FBN2: variants seen among roughly 807,000 people sequenced by gnomAD.
FBN2 encodes the protein fibrillin-2.
Under a neutral mutation model 355.6 loss-of-function variants are expected in FBN2, and 105 were observed. The ratio of observed to expected loss-of-function variants is 0.30; its 90% CI spans 0.25 to 0.35. The LOEUF (loss-of-function observed/expected upper bound fraction) is 0.35. FBN2 is among the 10% of genes least tolerant of loss of function. The probability of loss-of-function intolerance (pLI) is 1.00; values close to 1 mark genes in which losing one functional copy is unlikely to be tolerated. For synonymous variants in FBN2, 1,350 were observed against 1,301.2 expected (o/e 1.04, Z -0.81); for missense variants, 3,280 against 3,758.7 (o/e 0.87, Z 3.33).
chr5:128,336,819 T>C (rs139527993), intron 27 of FBN2, among the ~76,000 whole-genome samples: 75 of 152,336 alleles, frequency 4.9e-4, no homozygotes, highest in East Asian at 3.1e-3. Flanking sequence ...GGTGATACAC[T>C]TCCTTATGTA....
intron 29 of FBN2, 38 bp from the exon 30 acceptor site, chr5:128,335,333 T>C (rs1561776475): frequency 6.2e-7 from 1 of 1,613,916 alleles, no homozygotes; most frequent in Admixed American, 1.7e-5. Context: ...AAAATAAAAA[T>C]GTCGTTCATC....
At chr5:128,394,771 A>C (rs1752602712) in intron 9 of FBN2, among the ~76,000 whole-genome samples, 1 of 152,140 alleles carries the variant, frequency 6.6e-6, no homozygotes, top group Non-Finnish European at 1.5e-5. Context: ...ACTTGACTTC[A>C]AGGACAGGAG....
At chr5:128,418,522 C>A (rs1753263702) in intron 7 of FBN2, among the ~76,000 whole-genome samples, 1 of 152,078 alleles carries the variant, frequency 6.6e-6, no homozygotes, top group Admixed American at 6.6e-5. Flanking sequence ...TGTTGTATAA[C>A]ATAGGTTTTG....
Position 128,464,787 on chromosome 5 carries a change from G to A in FBN2, c.763C>T (p.Pro255Ser), listed in dbSNP as rs375752760. Residue 255 changes from proline (P) to serine (S), a missense_variant, in exon 6 of 65, where the codon CCA (proline) becomes TCA (serine). By Grantham distance (74) the Pro-to-Ser change is moderately conservative. Coordinates refer to ENST00000262464, the MANE Select transcript of FBN2 (RefSeq NM_001999.4). ...CGTCGGCAGGGCTGAGGCTGGGCTGGACACATCTCACAGGGATGGCCCCAC... is the reference window on the plus strand; with the variant it reads ...CGTCGGCAGGGCTGAGGCTGGGCTGAACACATCTCACAGGGATGGCCCCAC... Reference protein sequence around the residue: ...RAWGHPCEMCPAQPQPCRRGF... With the variant: ...RAWGHPCEMCSAQPQPCRRGF... 1.9e-6 allele frequency: 3 copies of A among 1,614,060 alleles called. No homozygotes were observed. Among genetic ancestry groups the A allele is most frequent in the African/African-American group, 1.3e-5 (1 of 74,928 alleles).
In FBN2 at chr5:128,345,525, G is replaced by A; in HGVS notation, c.3049C>T (p.Pro1017Ser). 6.2e-7 allele frequency: 1 copy of A among 1,614,144 alleles called. No homozygotes were observed. Among genetic ancestry groups the A allele is most frequent in the South Asian group, 1.1e-5 (1 of 91,076 alleles). Residue 1017 changes from proline (P) to serine (S), a missense_variant, in exon 24 of 65, where the codon CCT (proline) becomes TCT (serine). Pro to Ser is a moderately conservative substitution (Grantham distance 74, BLOSUM62 -1). This residue lies in a region of FBN2 where 2,284 missense variants were observed against 2,749.5 expected (regional missense o/e 0.83). Coordinates refer to ENST00000262464, the MANE Select transcript of FBN2 (RefSeq NM_001999.4). ...CAGGCATCCATGCGGAACTTTCCAG[G>A]AACGGGGTGGATGCATTCATCTTCA... ...WDEDECIHPVPGKFRMDACCC... is the reference protein window; with the variant it reads ...WDEDECIHPVSGKFRMDACCC...
Position 128,305,937 on chromosome 5 carries a change from A to G in FBN2, c.5434T>C (p.Cys1812Arg), listed in dbSNP as rs767763350. ...GCACAAATGCCTGGAATCTCTTTAC[A>G]TTCATCAATGTCTGAAATGGAACAG... is the stretch of plus-strand genomic sequence containing the variant. ...HTGKAVDIDE[C>R]KEIPGICANG... The change falls in exon 43 of 65, where the codon TGT becomes CGT. Residue 1812 changes from cysteine to arginine, a missense_variant. By Grantham distance (180) the Cys-to-Arg change is radical. Transcript: ENST00000262464. The G allele has an allele frequency of 6.2e-7, 1 of 1,613,836 alleles. No individual in the cohort carries two copies. Among genetic ancestry groups the G allele is most frequent in the Admixed American group, 1.7e-5 (1 of 60,010 alleles).
intron 48 of FBN2, among the ~76,000 whole-genome samples, chr5:128,292,847 C>T (rs898180696): frequency 1.4e-4 from 22 of 152,286 alleles, no homozygotes; most frequent in African/African-American, 4.6e-4. Flanking sequence ...GAACTGCCAC[C>T]CTCTCACAAC....
At chr5:128,514,306 A>G (rs1045126375) in intron 5 of FBN2, among the ~76,000 whole-genome samples, 1 of 152,156 alleles carries the variant, frequency 6.6e-6, no homozygotes, top group Non-Finnish European at 1.5e-5. Flanking sequence ...ATGTTTTTTC[A>G]TTCTACATTC....
At chr5:128,328,298 T>C in intron 34 of FBN2, 1 of 402,934 alleles carries the variant, frequency 2.5e-6, no homozygotes, top group Non-Finnish European at 4.6e-6. Context: ...ACCACGAAGG[T>C]AAATGCCAAA....
At chr5:128,490,288 T>TG (rs1755465770) in intron 5 of FBN2, among the ~76,000 whole-genome samples, 1 of 152,192 alleles carries the variant, frequency 6.6e-6, no homozygotes, top group African/African-American at 2.4e-5. Flanking sequence ...TTAACAGATG[T>TG]TAGCCATACT....
At chr5:128,372,501 A>AT (rs200920392) in intron 15 of FBN2, among the ~76,000 whole-genome samples, 2 of 151,678 alleles carry the variant, frequency 1.3e-5, no homozygotes, top group Non-Finnish European at 2.9e-5. Context: ...TATTTTTTCT[A>AT]TTTTTTTTGA....
intron 7 of FBN2, among the ~76,000 whole-genome samples, chr5:128,435,206 G>A (rs997167872): frequency 6.6e-6 from 1 of 151,966 alleles, no homozygotes; most frequent in Non-Finnish European, 1.5e-5. Context: ...TGGAGCAGGG[G>A]AATAAAAACA....
chr5:128,332,084 A>T (rs910043697), intron 32 of FBN2, among the ~76,000 whole-genome samples: 1 of 152,218 alleles, frequency 6.6e-6, no homozygotes, highest in African/African-American at 2.4e-5. Context: ...AACTTTTGAT[A>T]AGTATGAAAT....
At chr5:128,493,024 C>T (rs1416577955) in intron 5 of FBN2, among the ~76,000 whole-genome samples, 1 of 151,998 alleles carries the variant, frequency 6.6e-6, no homozygotes, top group Non-Finnish European at 1.5e-5. Flanking sequence ...GCAAGTGCTA[C>T]GAGGCTTTAT....
intron 5 of FBN2, among the ~76,000 whole-genome samples, chr5:128,481,311 A>G (rs1054671011): frequency 4.6e-5 from 7 of 152,196 alleles, no homozygotes; most frequent in African/African-American, 1.7e-4. Context: ...TTCCAGCAGT[A>G]CTGTTCCGAC....
intron 16 of FBN2, among the ~76,000 whole-genome samples, chr5:128,367,112 C>T (rs1751792540): frequency 6.6e-6 from 1 of 152,172 alleles, no homozygotes; most frequent in African/African-American, 2.4e-5. Flanking sequence ...CTTTTAGCAA[C>T]TATCATAAAT....
In FBN2 at chr5:128,342,267, T is replaced by C. The variant is rs941465161; in HGVS notation, c.3343+2118A>G. Among the ~76,000 whole-genome samples the C allele has an allele frequency of 3.3e-5, 5 of 151,824 alleles. 1 individual carries two copies. The highest frequency in any genetic ancestry group is 4.2e-4 in the South Asian group (2 of 4,806). ...GGTTAGAGAAGAAACATCATCTGCATAGAAGGATGATCAAGACCGGAAAAT... is the reference window on the plus strand; with the variant it reads ...GGTTAGAGAAGAAACATCATCTGCACAGAAGGATGATCAAGACCGGAAAAT... On this transcript the variant is annotated intron_variant, in intron 25 of 64. Coordinates refer to ENST00000262464, the MANE Select transcript of FBN2 (RefSeq NM_001999.4).
intron 16 of FBN2, among the ~76,000 whole-genome samples, chr5:128,367,476 A>G (rs1358791483): frequency 6.6e-6 from 1 of 152,162 alleles, no homozygotes; most frequent in Non-Finnish European, 1.5e-5. Flanking sequence ...TGATTAATGT[A>G]AATTCCATAA....
intron 7 of FBN2, among the ~76,000 whole-genome samples, chr5:128,444,714 G>A (rs936109153): frequency 6.6e-6 from 1 of 152,192 alleles, no homozygotes; most frequent in Non-Finnish European, 1.5e-5. Flanking sequence ...GACTTGTACT[G>A]TCTTTCTCCC....
Sources: gnomAD v4.1 joint callset for allele counts (sites outside exome capture counted in the v4.1 genomes callset) on GRCh38, gnomAD v4.1.1 for gene constraint, gnomAD v4.1.1 regional missense constraint, MANE v1.5 for transcripts, NCBI Gene and HGNC (gene_info 2026-07-23, HGNC 2026-07-21) for gene names.